STARD10: variants seen among roughly 807,000 people sequenced by gnomAD.
STARD10 encodes StAR related lipid transfer domain containing 10.
A neutral mutation model predicts 36.0 loss-of-function variants in STARD10; 24 were observed. The observed-to-expected ratio is 0.67, with a 90% CI of 0.48 to 0.94. STARD10 has a LOEUF of 0.94. Ranked by LOEUF, STARD10 falls within the 40% of genes least tolerant of loss-of-function variation. The pLI is 0.00. For missense variants in STARD10, 335 were observed against 396.6 expected, an observed-to-expected ratio of 0.84 and a Z score of 1.32; for synonymous variants, 156 against 161.9, an observed-to-expected ratio of 0.96 and a Z score of 0.28.
chr11:72,765,250 C>T (rs1246429450), intron 2 of STARD10, among the ~76,000 whole-genome samples: 2 of 152,088 alleles, frequency 1.3e-5, no homozygotes, highest in Admixed American at 6.5e-5. Context: ...CAGGCAACAA[C>T]AGCAAAACTC....
At chr11:72,762,002 C>T (rs190775989) in intron 2 of STARD10, among the ~76,000 whole-genome samples, 43 of 143,126 alleles carry the variant, frequency 3.0e-4, no homozygotes, top group Admixed American at 9.3e-4. Flanking sequence ...CTTGGCTCAC[C>T]GCAACCTACG....
intron 2 of STARD10, among the ~76,000 whole-genome samples, chr11:72,771,076 G>A (rs940508209): frequency 6.6e-6 from 1 of 152,198 alleles, no homozygotes; most frequent in Admixed American, 6.5e-5. Context: ...TCTGGGAGGA[G>A]GGACAATTAT....
At chr11:72,790,132 C>T (rs953612084) in intron 1 of STARD10, among the ~76,000 whole-genome samples, 5 of 152,246 alleles carry the variant, frequency 3.3e-5, no homozygotes, top group Admixed American at 6.5e-5. Context: ...CTGTACTCTC[C>T]TTCCCTTACC....
chr11:72,786,744 C>T (rs1050963228), intron 1 of STARD10, among the ~76,000 whole-genome samples: 1 of 152,206 alleles, frequency 6.6e-6, no homozygotes, highest in Admixed American at 6.5e-5. Flanking sequence ...CCAGGCCACA[C>T]ATGGCACCAA....
At chr11:72,792,041 A>ATTT (rs869068929) in intron 1 of STARD10, among the ~76,000 whole-genome samples, 30 of 38,806 alleles carry the variant, frequency 7.7e-4, no homozygotes, top group African/African-American at 3.9e-3. Flanking sequence ...CACCTGGCTA[A>ATTT]TTTTTTTTTT....
intron 1 of STARD10, among the ~76,000 whole-genome samples, chr11:72,787,398 C>T (rs532251452): frequency 4.4e-4 from 67 of 152,342 alleles, no homozygotes; most frequent in African/African-American, 1.5e-3. Context: ...CACCACCATA[C>T]AGGACTTCAG....
chr11:72,772,172 G>A (rs972987457), intron 2 of STARD10, among the ~76,000 whole-genome samples: 11 of 147,908 alleles, frequency 7.4e-5, no homozygotes, highest in African/African-American at 2.8e-4. Context: ...CCCTGTGCCC[G>A]GTGCTGCCAT....
intron 2 of STARD10, among the ~76,000 whole-genome samples, chr11:72,779,131 C>T (rs1858960387): frequency 6.6e-6 from 1 of 152,224 alleles, no homozygotes; most frequent in Non-Finnish European, 1.5e-5. Flanking sequence ...ACCCCTCCTC[C>T]TCTGACTTTC....
At chr11:72,764,098 C>T (rs1420746796) in intron 2 of STARD10, among the ~76,000 whole-genome samples, 1 of 152,178 alleles carries the variant, frequency 6.6e-6, no homozygotes, top group African/African-American at 2.4e-5. Flanking sequence ...AACATGTTAT[C>T]CTGGACCATG....
At chr11:72,757,145 CA>C (rs34839119) in intron 5 of STARD10, among the ~76,000 whole-genome samples, 50,298 of 102,154 alleles carry the variant, frequency 0.49, 10,106 homozygotes, top group East Asian at 0.58. Context: ...AACTCTGTCT[CA>C]AAAAAAAAAA....
chr11:72,780,814 G>T, intron 2 of STARD10, 161 bp downstream of exon 2: 1 of 745,594 alleles, frequency 1.3e-6, no homozygotes, highest in Non-Finnish European at 2.2e-6. Context: ...GTGTGATGGG[G>T]CTTGGCCCAG....
At chr11:72,772,112 G>A (rs967770566) in intron 2 of STARD10, among the ~76,000 whole-genome samples, 6 of 152,244 alleles carry the variant, frequency 3.9e-5, no homozygotes, top group Non-Finnish European at 8.8e-5. Flanking sequence ...CGCTGCCATA[G>A]CAGTCACGGT....
At chr11:72,757,204 C>T (rs940021830) in intron 5 of STARD10, among the ~76,000 whole-genome samples, 2 of 151,632 alleles carry the variant, frequency 1.3e-5, no homozygotes, top group African/African-American at 4.9e-5. Context: ...AGGGAGTGAC[C>T]CCAAATGATG....
intron 2 of STARD10, among the ~76,000 whole-genome samples, chr11:72,768,996 T>A (rs1399765288): frequency 1.3e-5 from 2 of 152,118 alleles, no homozygotes; most frequent in Non-Finnish European, 2.9e-5. Flanking sequence ...CAGAAGGAGG[T>A]GCAGCCGTGA....
At chr11:72,766,731 G>A (rs1340471315) in intron 2 of STARD10, among the ~76,000 whole-genome samples, 1 of 152,142 alleles carries the variant, frequency 6.6e-6, no homozygotes, top group Non-Finnish European at 1.5e-5. Flanking sequence ...CCAGGGAGAT[G>A]GTCGACCTGA....
At position 72,755,707 on chromosome 11, in the gene STARD10, A is replaced by T. The variant is rs757583320; in HGVS notation, c.624T>A (p.Ala208=). 5.0e-6 allele frequency: 8 copies of T among 1,613,782 alleles called. No individual in the cohort carries two copies. Among genetic ancestry groups the T allele is most frequent in the Non-Finnish European group, 6.8e-6 (8 of 1,179,862 alleles). The change falls in exon 6 of 7, where the codon GCT becomes GCA. Residue 208 remains alanine (A), a synonymous_variant. Transcript: ENST00000334805. ...AAATCCCAAGGCCACTCACCTTGGG[A>T]GCCAGGAACTGAGAAGATTTATTCA... The part of the protein sequence containing the change: ...WVVNKSSQFL[A]PKAMKKMYKA...
intron 1 of STARD10, among the ~76,000 whole-genome samples, chr11:72,786,871 G>C (rs981850870): frequency 1.3e-5 from 2 of 152,050 alleles, no homozygotes; most frequent in African/African-American, 4.8e-5. Flanking sequence ...CTTGAGGCCA[G>C]GAGTTGGAGA....
At chr11:72,792,611 G>C (rs1481556449) in intron 1 of STARD10, among the ~76,000 whole-genome samples, 1 of 152,108 alleles carries the variant, frequency 6.6e-6, no homozygotes, top group Non-Finnish European at 1.5e-5. Context: ...GTGTGCCTAG[G>C]TGCCACCTCG....
At position 72,757,801 on chromosome 11, in the gene STARD10, G is replaced by A. The variant is rs1404554498; in HGVS notation, c.543C>T (p.Cys181=). 8.7e-6 allele frequency: 14 copies of A among 1,614,204 alleles called. No individual in the cohort carries two copies. The highest frequency in any genetic ancestry group is 2.2e-5 in the East Asian group (1 of 44,884). ...YLIQSTGPKS[C]VITYLAQVDP... ...CCACCTGGGCCAGGTAGGTGATGAC[G>A]CAGCTCTTGGGCCCTGTGCTCTGGA... The change falls in exon 5 of 7, where the codon TGC becomes TGT. Residue 181 remains cysteine, a synonymous_variant. Transcript: ENST00000334805.
Sources: gnomAD v4.1 joint callset for allele counts (sites outside exome capture counted in the v4.1 genomes callset) on GRCh38, gnomAD v4.1.1 for gene constraint, MANE v1.5 for transcripts, NCBI Gene and HGNC (gene_info 2026-07-23, HGNC 2026-07-21) for gene names.